AXIN1: variants seen among roughly 807,000 people sequenced by gnomAD.
AXIN1 encodes axin-1.
Under a neutral mutation model 76.4 loss-of-function variants are expected in AXIN1, and 30 were observed. The ratio of observed to expected loss-of-function variants is 0.39; its 90% CI spans 0.29 to 0.53. The LOEUF is 0.53. Ranked by LOEUF, AXIN1 falls within the 20% of genes least tolerant of loss-of-function variation. AXIN1 has a pLI of 0.66. For missense variants in AXIN1, 1,140 were observed against 1,198.8 expected, an observed-to-expected ratio of 0.95 and a Z score of 0.72; for synonymous variants, 545 against 501.4, an observed-to-expected ratio of 1.09 and a Z score of -1.16.
intron 2 of AXIN1, 149 bp from the exon 3 acceptor site, chr16:314,832 C>A: frequency 8.6e-7 from 1 of 1,163,344 alleles, no homozygotes; most frequent in Non-Finnish European, 1.2e-6. Flanking sequence ...AAAAGACCAA[C>A]ATCTCCACCT....
In AXIN1 at chr16:339,510, C is replaced by CAA. The variant is rs35043577; in HGVS notation, c.878+6636_878+6637dup. Among the ~76,000 whole-genome samples, 198 of 67,448 alleles carry CAA rather than the reference C, an allele frequency of 2.9e-3. 2 individuals carry two copies. Among genetic ancestry groups the CAA allele is most frequent in the Middle Eastern group, 8.3e-3 (1 of 120 alleles). 44.2% of individuals were successfully genotyped at this position (67,448 alleles called of 152,430 possible). A position where few individuals can be genotyped will look rare whatever the true frequency, so the allele number is the denominator to read the frequency against. On this transcript the variant is annotated intron_variant, in intron 2 of 10. Coordinates refer to ENST00000262320, the MANE Select transcript of AXIN1 (RefSeq NM_003502.4). ...TTGGCGATAGAGCGAGACTCCATCT[C>CAA]AAAAAAAAAAAAAAAAAAAAAATTA...
intron 2 of AXIN1, among the ~76,000 whole-genome samples, chr16:325,693 C>T (rs2053565643): frequency 6.6e-6 from 1 of 152,160 alleles, no homozygotes; most frequent in East Asian, 1.9e-4. Flanking sequence ...TGGTCTGTCC[C>T]ACGTGGCTGC....
At chr16:311,865 G>A (rs1002891305) in intron 3 of AXIN1, among the ~76,000 whole-genome samples, 3 of 152,314 alleles carry the variant, frequency 2.0e-5, no homozygotes, top group African/African-American at 7.2e-5. Context: ...AGAGCTGCCA[G>A]GAGACACAGG....
At position 288,317 on chromosome 16, in the gene AXIN1, G is replaced by A. The variant is rs1413411186; in HGVS notation, c.2463-69C>T. 5 of 1,594,396 alleles carry A rather than the reference G, an allele frequency of 3.1e-6. No individual in the cohort carries two copies. The East Asian group carries it at 6.7e-5, about 21-fold the overall frequency. ...AGATGGGAAGGAGGCCTGTGGCAGG[G>A]GACGGCGTGTCCACACCCCATCCCG... On this transcript the variant is annotated intron_variant, in intron 10 of 10. Coordinates refer to ENST00000262320, the MANE Select transcript of AXIN1 (RefSeq NM_003502.4).
intron 1 of AXIN1, among the ~76,000 whole-genome samples, chr16:349,936 C>G (rs2054109176): frequency 6.6e-6 from 1 of 152,148 alleles, no homozygotes; most frequent in African/African-American, 2.4e-5. Context: ...GTGGCGGGGA[C>G]TACAGGCACG....
rs1215958072 is a variant in AXIN1, at chr16:288,202, A to C, written c.2509T>G (p.Phe837Val). Residue 837 changes from phenylalanine to valine, a missense_variant, in exon 11 of 11, where the codon TTT becomes GTT. Physicochemically the swap from Phe to Val is conservative, Grantham distance 50 (BLOSUM62 -1). Transcript: ENST00000262320. ...GCCTCGTCCTCTCGAACCTCCTCAAACACCACCCCACAGTCAAACTCGTCG... is the reference window on the plus strand; with the variant it reads ...GCCTCGTCCTCTCGAACCTCCTCAACCACCACCCCACAGTCAAACTCGTCG... ...VSDEFDCGVV[F>V]EEVREDEAVL... is the part of the protein sequence containing the mutation. 6.8e-6 allele frequency: 11 copies of C among 1,613,572 alleles called. No homozygotes were observed. Among genetic ancestry groups the C allele is most frequent in the Non-Finnish European group, 8.5e-6 (10 of 1,179,972 alleles).
chr16:304,174 C>G, intron 5 of AXIN1, 130 bp downstream of exon 5: 1 of 1,487,262 alleles, frequency 6.7e-7, no homozygotes, highest in South Asian at 1.2e-5. Flanking sequence ...GGGGACTCAG[C>G]CGGGAGGCCT....
Position 333,247 on chromosome 16 carries a change from G to A in AXIN1, c.878+12901C>T, listed in dbSNP as rs1399864429. Among the ~76,000 whole-genome samples the A allele has an allele frequency of 2.6e-5, 4 of 151,924 alleles. No homozygotes were observed. The East Asian group carries it at 5.8e-4, about 22-fold the overall frequency. ...CTCAGGAGGCTGAGGCAGGAGAATTGCTTGAACCCGGGAGGCAGCGGATGC... is the reference window on the plus strand; with the variant it reads ...CTCAGGAGGCTGAGGCAGGAGAATTACTTGAACCCGGGAGGCAGCGGATGC... On this transcript the variant is annotated intron_variant, in intron 2 of 10. Coordinates refer to ENST00000262320, the MANE Select transcript of AXIN1 (RefSeq NM_003502.4).
chr16:315,002 C>A (rs1252469603), intron 2 of AXIN1, among the ~76,000 whole-genome samples: 1 of 152,142 alleles, frequency 6.6e-6, no homozygotes, highest in East Asian at 1.9e-4. Context: ...AGAAATGGGA[C>A]GCAGATGTTC....
intron 5 of AXIN1, among the ~76,000 whole-genome samples, chr16:301,517 A>G (rs214242): frequency 0.95 from 145,125 of 152,180 alleles, 69,265 homozygotes; most frequent in East Asian, 1. Flanking sequence ...AAGGCCAGGC[A>G]CGGTGGCTCG....
At chr16:329,597 C>A (rs987696781) in intron 2 of AXIN1, among the ~76,000 whole-genome samples, 5 of 151,924 alleles carry the variant, frequency 3.3e-5, no homozygotes, top group Non-Finnish European at 5.9e-5. Flanking sequence ...AGGCGCACAA[C>A]ACCATGCCCG....
chr16:318,977 C>T (rs1018330266), intron 2 of AXIN1, among the ~76,000 whole-genome samples: 1 of 150,800 alleles, frequency 6.6e-6, no homozygotes, highest in Non-Finnish European at 1.5e-5. Context: ...GAGAGCGGCT[C>T]TGGCTGTGCG....
chr16:307,879 G>C (rs1452804963), intron 4 of AXIN1, among the ~76,000 whole-genome samples: 1 of 152,228 alleles, frequency 6.6e-6, no homozygotes, highest in Non-Finnish European at 1.5e-5. Flanking sequence ...CTCGGGTCCA[G>C]TTTCCCAGTA....
chr16:288,311 G>A (rs2141461258), intron 10 of AXIN1, 63 bp from the exon 11 acceptor site: 2 of 1,601,614 alleles, frequency 1.2e-6, no homozygotes, highest in South Asian at 2.2e-5. Flanking sequence ...GGAGGCCTGT[G>A]GCAGGGGACG....
chr16:290,067 G>A (rs1426441991), intron 9 of AXIN1: 3 of 245,804 alleles, frequency 1.2e-5, no homozygotes, highest in East Asian at 1.1e-4. Context: ...GGGGTGGCCA[G>A]CAGGCCCTTC....
Position 326,354 on chromosome 16 carries a change from C to CAAAA in AXIN1, c.879-11675_879-11672dup, listed in dbSNP as rs1187459071. On this transcript the variant is annotated intron_variant, in intron 2 of 10. Coordinates refer to ENST00000262320, the MANE Select transcript of AXIN1 (RefSeq NM_003502.4). The stretch of plus-strand genomic sequence containing the variant: ...GGGCAACAAGAGCAAAACTCCGTCT[C>CAAAA]AAAAAAAAAAAAAAAAAAATATATA... 8.0e-4 allele frequency among the ~76,000 whole-genome samples: 51 copies of CAAAA among 64,150 alleles called. 1 individual carries two copies. Among genetic ancestry groups the CAAAA allele is most frequent in the East Asian group, 2.3e-3 (6 of 2,604 alleles). 42.1% of individuals were successfully genotyped at this position (64,150 alleles called of 152,430 possible).
chr16:331,625 T>G (rs1241179287), intron 2 of AXIN1, among the ~76,000 whole-genome samples: 1 of 152,248 alleles, frequency 6.6e-6, no homozygotes, highest in African/African-American at 2.4e-5. Flanking sequence ...TGCACAGCAG[T>G]AAGCGGACGC....
At chr16:288,650 T>A (rs1250757337) in intron 10 of AXIN1, among the ~76,000 whole-genome samples, 31 of 152,324 alleles carry the variant, frequency 2.0e-4, no homozygotes. Flanking sequence ...CAGTGGCTTG[T>A]GGACGGTGGG....
chr16:299,294 T>C, intron 5 of AXIN1: 3 of 940,042 alleles, frequency 3.2e-6, no homozygotes, highest in Non-Finnish European at 3.8e-6. Flanking sequence ...TAAAACAGTA[T>C]TGAGTAAATC....
Sources: gnomAD v4.1 joint callset for allele counts (sites outside exome capture counted in the v4.1 genomes callset) on GRCh38, gnomAD v4.1.1 for gene constraint, MANE v1.5 for transcripts, NCBI Gene and HGNC (gene_info 2026-07-23, HGNC 2026-07-21) for gene names.